The following WWOX variants were observed in gnomAD, a reference collection of about 807,000 sequenced individuals.
WWOX encodes WW domain-containing oxidoreductase.
WWOX carries 69 observed loss-of-function variants against 46.2 expected under a neutral mutation model. The ratio of observed to expected loss-of-function variants is 1.49; its 90% confidence interval spans 1.23 to 1.82. The LOEUF is 1.82. Among genes scored for constraint, WWOX ranks in the 40% most tolerant of loss-of-function variants. The pLI is 0.00. For synonymous variants in WWOX, 359 were observed against 202.6 expected, an observed-to-expected ratio of 1.77 and a Z score of -6.56; for missense variants, 919 against 542.6, an observed-to-expected ratio of 1.69 and a Z score of -6.89.
At chr16:78,658,598 A>G (rs1364706182) in intron 8 of WWOX, among the ~76,000 whole-genome samples, 2 of 152,270 alleles carry the variant, frequency 1.3e-5, no homozygotes, top group African/African-American at 2.4e-5. Flanking sequence ...GGTGGCTGCC[A>G]TTAATCCTTG....
chr16:78,915,883 A>G (rs1230496839), intron 8 of WWOX, among the ~76,000 whole-genome samples: 1 of 152,222 alleles, frequency 6.6e-6, no homozygotes, highest in Non-Finnish European at 1.5e-5. Flanking sequence ...AAGAAGAAAA[A>G]TAGAAGAAGC....
intron 8 of WWOX, among the ~76,000 whole-genome samples, chr16:78,733,551 G>T (rs531113437): frequency 7.9e-5 from 12 of 151,140 alleles, no homozygotes; most frequent in South Asian, 4.2e-4. Flanking sequence ...ATCGAGACCA[G>T]CCTGGCCAAC....
chr16:79,148,462 T>A (rs982241809), intron 8 of WWOX, among the ~76,000 whole-genome samples: 2 of 152,216 alleles, frequency 1.3e-5, no homozygotes, highest in African/African-American at 2.4e-5. Context: ...TCTTCATTAC[T>A]ATAGCTATGT....
intron 8 of WWOX, among the ~76,000 whole-genome samples, chr16:78,928,663 GAAA>G (rs57026083): frequency 4.6e-5 from 7 of 151,014 alleles, no homozygotes; most frequent in African/African-American, 1.7e-4. Context: ...TGACTTACTG[GAAA>G]AAAAAATAAT....
chr16:78,904,926 G>C (rs946102102), intron 8 of WWOX, among the ~76,000 whole-genome samples: 4 of 151,984 alleles, frequency 2.6e-5, no homozygotes, highest in Non-Finnish European at 4.4e-5. Flanking sequence ...TTCCCAGTTG[G>C]TGCCCCTGTT....
intron 8 of WWOX, among the ~76,000 whole-genome samples, chr16:78,908,488 C>T (rs981818772): frequency 2.0e-5 from 3 of 149,422 alleles, no homozygotes; most frequent in African/African-American, 4.9e-5. Context: ...TGCAGTGAGT[C>T]GAGATCACAC....
At chr16:79,129,516 A>G (rs934824564) in intron 8 of WWOX, among the ~76,000 whole-genome samples, 8 of 151,754 alleles carry the variant, frequency 5.3e-5, no homozygotes, top group Admixed American at 3.9e-4. Flanking sequence ...TTTAAGCTGC[A>G]GAAAATGGCG....
At position 78,940,930 on chromosome 16, in the gene WWOX, A is replaced by T. The variant is rs182514976; in HGVS notation, c.1057-270678A>T. On this transcript the variant is annotated intron_variant, in intron 8 of 8. Coordinates refer to ENST00000566780, the MANE Select transcript of WWOX (RefSeq NM_016373.4). ...CTGTCCATTTGCTTGGATCCCAAGG[A>T]ATTTTCTTCTGCCCCCCCACCCCAT... Among the ~76,000 whole-genome samples, 21 of 151,832 alleles carry T rather than the reference A, an allele frequency of 1.4e-4. 1 individual carries two copies. The East Asian group carries it at 3.1e-3, about 23-fold the overall frequency.
At chr16:78,652,400 C>G (rs571289279) in intron 8 of WWOX, among the ~76,000 whole-genome samples, 3 of 134,894 alleles carry the variant, frequency 2.2e-5, no homozygotes, top group African/African-American at 8.9e-5. Flanking sequence ...CAGAGCGAGA[C>G]TCCGTCTCAA....
intron 8 of WWOX, among the ~76,000 whole-genome samples, chr16:78,609,668 A>G (rs1015533244): frequency 6.6e-6 from 1 of 151,846 alleles, no homozygotes; most frequent in Non-Finnish European, 1.5e-5. Context: ...CTGTCTTTGG[A>G]CATCTACTCC....
At chr16:79,200,094 G>A (rs182161175) in intron 8 of WWOX, among the ~76,000 whole-genome samples, 146 of 152,272 alleles carry the variant, frequency 9.6e-4, no homozygotes, top group African/African-American at 3.5e-3. Flanking sequence ...TCCTTTGCAC[G>A]AAGAGCAATT....
intron 8 of WWOX, among the ~76,000 whole-genome samples, chr16:79,015,035 A>G (rs962733040): frequency 1.3e-5 from 2 of 152,192 alleles, no homozygotes; most frequent in African/African-American, 2.4e-5. Context: ...TACGTGTGAC[A>G]TGAAAGGGGC....
chr16:78,572,379 G>C (rs2044738113), intron 8 of WWOX, among the ~76,000 whole-genome samples: 1 of 152,112 alleles, frequency 6.6e-6, no homozygotes, highest in South Asian at 2.1e-4. Context: ...CAGATGGCTT[G>C]AGCCCAGGAG....
At chr16:78,898,278 T>A (rs2044747529) in intron 8 of WWOX, 1 of 152,182 alleles carries the variant, frequency 6.6e-6, no homozygotes, top group East Asian at 1.9e-4. Flanking sequence ...CTTCAATCTT[T>A]ACATTCAGAT....
chr16:79,180,489 C>G (rs2050888516), intron 8 of WWOX, among the ~76,000 whole-genome samples: 1 of 152,166 alleles, frequency 6.6e-6, no homozygotes, highest in South Asian at 2.1e-4. Context: ...CCAGGCTCAG[C>G]TGTGTGTCTT....
At chr16:78,178,948 C>T (rs966222110) in intron 5 of WWOX, among the ~76,000 whole-genome samples, 10 of 151,944 alleles carry the variant, frequency 6.6e-5, no homozygotes, top group African/African-American at 1.7e-4. Flanking sequence ...CGCGGATAAC[C>T]GAGAGCTGGT....
chr16:78,323,405 G>C (rs561639315), intron 5 of WWOX, among the ~76,000 whole-genome samples: 1 of 152,106 alleles, frequency 6.6e-6, no homozygotes, highest in Admixed American at 6.6e-5. Context: ...GCGCCCGGCC[G>C]GGGATCTTGT....
At chr16:78,868,018 A>C (rs1411316869) in intron 8 of WWOX, among the ~76,000 whole-genome samples, 2 of 152,228 alleles carry the variant, frequency 1.3e-5, no homozygotes, top group Non-Finnish European at 2.9e-5. Flanking sequence ...GTGGCTCAGC[A>C]GTTCCCTTCC....
chr16:78,213,785 A>C (rs1180695400), intron 5 of WWOX, among the ~76,000 whole-genome samples: 1 of 152,134 alleles, frequency 6.6e-6, no homozygotes, highest in Non-Finnish European at 1.5e-5. Flanking sequence ...CTAGGTGACA[A>C]CCTGCTTGGC....
Sources: allele counts gnomAD v4.1 joint callset (sites outside exome capture counted in the v4.1 genomes callset), GRCh38; gene constraint gnomAD v4.1.1; transcripts MANE v1.5; gene names NCBI Gene and HGNC (gene_info 2026-07-23, HGNC 2026-07-21).